CTNNA2: variants seen among roughly 807,000 people sequenced by gnomAD.
CTNNA2 encodes catenin alpha-2.
A neutral mutation model predicts 101.0 loss-of-function variants in CTNNA2; 42 were observed. That is an observed-to-expected ratio of 0.42 (90% CI 0.32 to 0.54). The LOEUF (loss-of-function observed/expected upper bound fraction) is 0.54. CTNNA2 is among the 20% of genes least tolerant of loss of function. CTNNA2 has a pLI of 0.14. For synonymous variants in CTNNA2, 450 were observed against 456.4 expected, an observed-to-expected ratio of 0.99 and a Z score of 0.18; for missense variants, 871 against 1,223.1, an observed-to-expected ratio of 0.71 and a Z score of 4.29.
At chr2:80,225,217 C>T (rs1708810459) in intron 7 of CTNNA2, among the ~76,000 whole-genome samples, 1 of 152,164 alleles carries the variant, frequency 6.6e-6, no homozygotes, top group Non-Finnish European at 1.5e-5. Context: ...CTGGCCATGG[C>T]TACATTTGGA....
chr2:79,337,804 A>C (rs1677026858), intron 3 of CTNNA2, among the ~76,000 whole-genome samples: 1 of 152,176 alleles, frequency 6.6e-6, no homozygotes, highest in Non-Finnish European at 1.5e-5. Context: ...AGAAAAACAA[A>C]AAAAAAAGAT....
Position 79,655,458 on chromosome 2 carries a change from G to A in CTNNA2, c.102+3800G>A, listed in dbSNP as rs368641179. Among the ~76,000 whole-genome samples the A allele has an allele frequency of 5.0e-3, 755 of 152,220 alleles. 26 individuals are homozygous for A. The South Asian group carries it at 0.077, about 16-fold the overall frequency. On this transcript the variant is annotated intron_variant, in intron 2 of 18. Coordinates refer to ENST00000402739, the MANE Select transcript of CTNNA2 (RefSeq NM_001282597.3). ...CAATATTACACTTATAGAGCCTTAT[G>A]TGTTAAAATTTATGTACTTATATTT...
intron 7 of CTNNA2, among the ~76,000 whole-genome samples, chr2:80,042,519 T>G (rs1468194984): frequency 6.6e-6 from 1 of 152,186 alleles, no homozygotes; most frequent in African/African-American, 2.4e-5. Context: ...ATCTGGCACC[T>G]CTTTTACCTA....
chr2:80,262,722 A>G lies in CTNNA2; in HGVS notation c.1057-130489A>G, dbSNP rs79392155. Among the ~76,000 whole-genome samples, 1,032 of 152,258 alleles carry G rather than the reference A, an allele frequency of 6.8e-3. 12 individuals carry two copies. The highest frequency in any genetic ancestry group is 0.024 in the African/African-American group (994 of 41,552). ...AGGTTTAGACAGATAAGGGTTAGCA[A>G]TGCCTTAATTAACAACATAGAAATA... On this transcript the variant is annotated intron_variant, in intron 7 of 18. Coordinates refer to ENST00000402739, the MANE Select transcript of CTNNA2 (RefSeq NM_001282597.3).
rs181886024 is a variant in CTNNA2 at position 79,915,591 on chromosome 2, T to A, written c.1056+5794T>A. On this transcript the variant is annotated intron_variant, in intron 7 of 18. Transcript: ENST00000402739. ...TTTTCCTGCTGGCAGTACAGAGTTC[T>A]GATTTTAGACCCAAAGCGTGACTAG... Among the ~76,000 whole-genome samples the A allele has an allele frequency of 2.0e-3, 311 of 152,318 alleles. 2 individuals are homozygous for A. The South Asian group carries it at 0.034, about 17-fold the overall frequency.
chr2:79,810,631 C>T (rs1421712268), intron 3 of CTNNA2, among the ~76,000 whole-genome samples: 1 of 151,276 alleles, frequency 6.6e-6, no homozygotes, highest in Non-Finnish European at 1.5e-5. Context: ...CACCCATTAA[C>T]TCATCATTTA....
intron 3 of CTNNA2, among the ~76,000 whole-genome samples, chr2:79,328,379 G>T (rs1357329578): frequency 6.6e-6 from 1 of 152,170 alleles, no homozygotes; most frequent in Non-Finnish European, 1.5e-5. Context: ...GAAGGCAGTA[G>T]AATTGAGAAA....
chr2:80,209,197 T>G (rs1480106516), intron 7 of CTNNA2, among the ~76,000 whole-genome samples: 1 of 147,734 alleles, frequency 6.8e-6, no homozygotes, highest in Non-Finnish European at 1.5e-5. Context: ...TTCTTTTTTT[T>G]TTTAATTCTT....
chr2:79,626,649 G>A (rs2104326193), intron 1 of CTNNA2, among the ~76,000 whole-genome samples: 1 of 148,870 alleles, frequency 6.7e-6, no homozygotes, highest in East Asian at 2.0e-4. Flanking sequence ...GTGTGTGTGT[G>A]TGTGTGTCGA....
chr2:80,421,626 C>G (rs904125066), intron 9 of CTNNA2, among the ~76,000 whole-genome samples: 1 of 152,074 alleles, frequency 6.6e-6, no homozygotes, highest in Non-Finnish European at 1.5e-5. Context: ...ACTTGCAGCT[C>G]CACATTTCAG....
In CTNNA2 at chr2:80,422,015, T is replaced by G. The variant is rs528844264; in HGVS notation, c.1290+2414T>G. Among the ~76,000 whole-genome samples the G allele has an allele frequency of 1.5e-3, 233 of 152,224 alleles. 1 individual carries two copies. Among genetic ancestry groups the G allele is most frequent in the Non-Finnish European group, 3.0e-3 (201 of 68,040 alleles). On this transcript the variant is annotated intron_variant, in intron 9 of 18. Transcript: ENST00000402739. ...ATAATTTCCTTTTGGATTTTCTATGTACATAGTCATGTGCCTGCAAATTAT... is the reference window on the plus strand; with the variant it reads ...ATAATTTCCTTTTGGATTTTCTATGGACATAGTCATGTGCCTGCAAATTAT...
intron 1 of CTNNA2, among the ~76,000 whole-genome samples, chr2:79,190,089 A>G (rs1004711652): frequency 2.6e-5 from 4 of 152,132 alleles, no homozygotes; most frequent in African/African-American, 9.7e-5. Context: ...ATTTAGTTCA[A>G]AATGTTCCTA....
At chr2:80,647,072 C>A (rs547798322) in intron 18 of CTNNA2, among the ~76,000 whole-genome samples, 27 of 151,854 alleles carry the variant, frequency 1.8e-4, no homozygotes, top group African/African-American at 6.1e-4. Flanking sequence ...AGGAGGTATA[C>A]TGAGGACCTG....
intron 2 of CTNNA2, among the ~76,000 whole-genome samples, chr2:79,693,612 G>A (rs1684465453): frequency 6.6e-6 from 1 of 151,826 alleles, no homozygotes; most frequent in Admixed American, 6.6e-5. Flanking sequence ...ACTTAGGGTG[G>A]GTAGGAATCG....
At chr2:79,796,868 T>C (rs1382598868) in intron 3 of CTNNA2, among the ~76,000 whole-genome samples, 1 of 152,176 alleles carries the variant, frequency 6.6e-6, no homozygotes, top group African/African-American at 2.4e-5. Context: ...TGGAGTACTG[T>C]GTTAGCCCTC....
At chr2:80,232,341 G>GTTTTTTTTTTTTTTTTTTTTTTT (rs1286822049) in intron 7 of CTNNA2, among the ~76,000 whole-genome samples, 16 of 82,016 alleles carry the variant, frequency 2.0e-4, no homozygotes, top group Non-Finnish European at 3.2e-4. Flanking sequence ...TTGTTTGTTT[G>GTTTTTTTTTTTTTTTTTTTTTTT]TTTGTTTTTT....
At chr2:80,536,786 G>A (rs1392777958) in intron 9 of CTNNA2, among the ~76,000 whole-genome samples, 1 of 152,206 alleles carries the variant, frequency 6.6e-6, no homozygotes, top group Non-Finnish European at 1.5e-5. Context: ...TTGAGACAGA[G>A]CTGCTTTTCT....
At chr2:79,525,678 G>A (rs967391719) in intron 1 of CTNNA2, among the ~76,000 whole-genome samples, 1 of 151,928 alleles carries the variant, frequency 6.6e-6, no homozygotes. Context: ...GTTGAAAACA[G>A]GCATTTTGCT....
chr2:79,486,463 C>T (rs1405333691), intron 4 of CTNNA2, among the ~76,000 whole-genome samples: 1 of 152,136 alleles, frequency 6.6e-6, no homozygotes, highest in African/African-American at 2.4e-5. Flanking sequence ...TTTTCTTAAT[C>T]CAGTCTATCA....
Sources: gnomAD v4.1 joint callset for allele counts (sites outside exome capture counted in the v4.1 genomes callset) on GRCh38, gnomAD v4.1.1 for gene constraint, MANE v1.5 for transcripts, NCBI Gene and HGNC (gene_info 2026-07-23, HGNC 2026-07-21) for gene names.